NSF: variants seen among roughly 807,000 people sequenced by gnomAD.
The protein encoded by NSF is vesicle-fusing ATPase.
In NSF, 14 loss-of-function variants were observed where a neutral mutation model predicts 50.3. The ratio of observed to expected loss-of-function variants is 0.28; its 90% confidence interval spans 0.18 to 0.44. NSF has a LOEUF of 0.44. NSF is among the 20% of genes least tolerant of loss of function. NSF has a pLI of 1.00. For synonymous variants in NSF, 109 were observed against 175.7 expected (o/e 0.62, Z 3.00); for missense variants, 218 against 504.3 (o/e 0.43, Z 5.44).
chr17:46,753,323 G>A (rs1334265865), intron 19 of NSF, among the ~76,000 whole-genome samples: 1 of 152,110 alleles, frequency 6.6e-6, no homozygotes, highest in East Asian at 1.9e-4. Flanking sequence ...ATAACAAATT[G>A]GAAACGTGAA....
chr17:46,755,087 C>A (rs944596205), intron 19 of NSF, among the ~76,000 whole-genome samples: 5 of 152,258 alleles, frequency 3.3e-5, no homozygotes, highest in Non-Finnish European at 5.9e-5. Flanking sequence ...GGGCTTGGGT[C>A]TTTTGGAACC....
At chr17:46,708,031 CA>C (rs35548565) in intron 13 of NSF, among the ~76,000 whole-genome samples, 1,951 of 85,562 alleles carry the variant, frequency 0.023, 11 homozygotes, top group Middle Eastern at 0.071. Context: ...GACCCTGTCT[CA>C]AAAAAAAAAA....
chr17:46,625,152 C>A, intron 2 of NSF, among the ~76,000 whole-genome samples: 1 of 82,600 alleles, frequency 1.2e-5, no homozygotes, highest in African/African-American at 5.6e-5. Flanking sequence ...GACTCTGTCT[C>A]AAAAAAAAGT....
chr17:46,751,682 A>G, intron 19 of NSF, 66 bp downstream of exon 19: 1 of 902,228 alleles, frequency 1.1e-6, no homozygotes, highest in Non-Finnish European at 1.7e-6. Context: ...AAGAGGGTTC[A>G]GTATTTCCTT....
At chr17:46,691,399 A>G (rs1391939241) in intron 9 of NSF, among the ~76,000 whole-genome samples, 11 of 110,768 alleles carry the variant, frequency 9.9e-5, no homozygotes, top group Non-Finnish European at 1.8e-4. Flanking sequence ...GTTCGAGACC[A>G]GCCTGGCAAA....
chr17:46,725,420 A>G (rs2058878252), intron 15 of NSF, among the ~76,000 whole-genome samples: 1 of 152,162 alleles, frequency 6.6e-6, no homozygotes, highest in East Asian at 1.9e-4. Flanking sequence ...TTTTCACCAG[A>G]GGGGTTGACC....
intron 17 of NSF, among the ~76,000 whole-genome samples, chr17:46,735,354 C>T (rs1388917921): frequency 1.3e-5 from 2 of 151,776 alleles, no homozygotes; most frequent in Non-Finnish European, 2.9e-5. Flanking sequence ...TGTGGCATTA[C>T]ATTAGCTTTT....
intron 17 of NSF, among the ~76,000 whole-genome samples, chr17:46,744,631 A>AC: frequency 6.6e-6 from 1 of 152,184 alleles, no homozygotes; most frequent in East Asian, 1.9e-4. Context: ...GAAAAAAAAA[A>AC]GCTTTCTTCC....
intron 13 of NSF, among the ~76,000 whole-genome samples, chr17:46,708,523 G>C (rs1324681054): frequency 9.3e-6 from 1 of 107,252 alleles, no homozygotes; most frequent in Non-Finnish European, 1.8e-5. Context: ...AGACAGTCTT[G>C]CTCTGTCACC....
intron 15 of NSF, chr17:46,722,058 T>C (rs1047382155): frequency 2.5e-5 from 40 of 1,610,158 alleles, no homozygotes; most frequent in Non-Finnish European, 3.4e-5. Flanking sequence ...AGCTGAGCCT[T>C]GAGGTCCGAG....
At chr17:46,741,249 C>CT (rs778299350) in intron 17 of NSF, among the ~76,000 whole-genome samples, 150 of 152,322 alleles carry the variant, frequency 9.8e-4, no homozygotes, top group Middle Eastern at 3.4e-3. Context: ...ATGAGGTAAT[C>CT]TTTAAGAGCT....
intron 9 of NSF, among the ~76,000 whole-genome samples, chr17:46,684,531 A>C (rs1480681832): frequency 2.0e-5 from 3 of 152,140 alleles, no homozygotes; most frequent in African/African-American, 7.2e-5. Context: ...TTGAAACAGC[A>C]TGGTACTGTT....
At chr17:46,631,061 TACACACACACACAC>T (rs61399986) in intron 4 of NSF, among the ~76,000 whole-genome samples, 6 of 122,848 alleles carry the variant, frequency 4.9e-5, no homozygotes, top group East Asian at 2.4e-4. Context: ...TCTCTCTCTG[TACACACACACACAC>T]ACACACACAC....
intron 16 of NSF, 113 bp downstream of exon 16, chr17:46,726,728 T>A: frequency 1.1e-6 from 1 of 918,610 alleles, no homozygotes; most frequent in Middle Eastern, 2.1e-4. Context: ...TAGAAATACC[T>A]TTCTTTGTCT....
At chr17:46,747,380 A>C (rs1183519632) in intron 17 of NSF, among the ~76,000 whole-genome samples, 1 of 152,174 alleles carries the variant, frequency 6.6e-6, no homozygotes, top group African/African-American at 2.4e-5. Flanking sequence ...TCCTTGGCTC[A>C]AGCGATCTGC....
chr17:46,676,266 C>A (rs2058406721), intron 9 of NSF, among the ~76,000 whole-genome samples: 1 of 137,028 alleles, frequency 7.3e-6, no homozygotes, highest in African/African-American at 2.9e-5. Context: ...GAGTTTTGCT[C>A]TTGTTGCCCA....
chr17:46,723,880 G>T (rs1276705275), intron 15 of NSF, among the ~76,000 whole-genome samples: 1 of 152,086 alleles, frequency 6.6e-6, no homozygotes, highest in African/African-American at 2.4e-5. Context: ...TAAAACATAA[G>T]CCTGACATGT....
In NSF at chr17:46,756,308, T is replaced by C; in HGVS notation, c.*485T>C. The C allele has an allele frequency of 6.5e-6, 1 of 152,820 alleles. No individual in the cohort carries two copies. The highest frequency in any genetic ancestry group is 1.5e-5 in the Non-Finnish European group (1 of 68,514). 9.5% of individuals were successfully genotyped at this position (152,820 alleles called of 1,614,324 possible). A position where few individuals can be genotyped will look rare whatever the true frequency, so the allele number is the denominator to read the frequency against. The stretch of plus-strand genomic sequence containing the variant: ...GTCCTGAGCTAACACTAAAAGTCAC[T>C]GGGTATTTGGTTAAAGGTCTCCCAC... On this transcript the variant is annotated 3_prime_UTR_variant, in exon 21 of 21. Coordinates refer to ENST00000398238, the MANE Select transcript of NSF (RefSeq NM_006178.4).
At chr17:46,730,516 G>A (rs558907883) in intron 17 of NSF, among the ~76,000 whole-genome samples, 1 of 152,244 alleles carries the variant, frequency 6.6e-6, no homozygotes. Flanking sequence ...CGAATGATCT[G>A]CCACACTAAG....
Sources: gnomAD v4.1 joint callset for allele counts (sites outside exome capture counted in the v4.1 genomes callset) on GRCh38, gnomAD v4.1.1 for gene constraint, MANE v1.5 for transcripts, NCBI Gene and HGNC (gene_info 2026-07-23, HGNC 2026-07-21) for gene names.